FBLN2: variants seen among roughly 807,000 people sequenced by gnomAD.
FBLN2 encodes fibulin 2.
Under a neutral mutation model 123.7 loss-of-function variants are expected in FBLN2, and 81 were observed. The ratio of observed to expected loss-of-function variants is 0.65; its 90% CI spans 0.55 to 0.79. The LOEUF is 0.79. Among genes scored for constraint, FBLN2 ranks in the 30% least tolerant of loss-of-function variants. The pLI is 0.00. For missense variants in FBLN2, 1,603 were observed against 1,681.3 expected (o/e 0.95, Z 0.81); for synonymous variants, 699 against 701.4 (o/e 1.00, Z 0.05).
At chr3:13,608,227 C>T in intron 3 of FBLN2, 54 bp downstream of exon 3, 1 of 1,347,736 alleles carries the variant, frequency 7.4e-7, no homozygotes. Flanking sequence ...TCTCCAGAAC[C>T]CTGCTTGCCT....
chr3:13,622,858 C>A (rs778676711), intron 9 of FBLN2, among the ~76,000 whole-genome samples: 5 of 152,214 alleles, frequency 3.3e-5, no homozygotes, highest in African/African-American at 4.8e-5. Flanking sequence ...CACAGAGACA[C>A]GCGCAGAGGG....
chr3:13,637,785 G>T lies in FBLN2; in HGVS notation c.3562G>T (p.Val1188Leu), dbSNP rs1457272615. ...GCGCAGGCTCAATGCCTACACGGGT[G>T]TGGTCTACCTGCAGCGGGCCGTGCT... is the stretch of plus-strand genomic sequence containing the variant. ...GTRRLNAYTG[V>L]VYLQRAVLEP... Residue 1188 changes from valine (V) to leucine (L), a missense_variant, in exon 18 of 18, where the codon GTG becomes TTG. Coordinates refer to ENST00000404922, the MANE Select transcript of FBLN2 (RefSeq NM_001004019.2). The T allele has an allele frequency of 3.1e-6, 5 of 1,613,820 alleles. No individual in the cohort carries two copies. The highest frequency in any genetic ancestry group is 4.2e-6 in the Non-Finnish European group (5 of 1,179,840).
chr3:13,638,312 T>G lies in FBLN2; in HGVS notation c.*393T>G. ...TCTTTTCTTTTTTAAAAAATCATTT[T>G]AAAGTTTTTTGTTTAACTATAAAGT... On this transcript the variant is annotated 3_prime_UTR_variant, in exon 18 of 18. Coordinates refer to ENST00000404922, the MANE Select transcript of FBLN2 (RefSeq NM_001004019.2). 2.3e-6 allele frequency: 1 copy of G among 426,778 alleles called. No individual in the cohort carries two copies. Among genetic ancestry groups the G allele is most frequent in the Non-Finnish European group, 4.4e-6 (1 of 228,456 alleles). The allele number at this position is 426,778 out of a possible 1,614,324, so 26.4% of individuals were successfully genotyped here.
At position 13,608,110 on chromosome 3, in the gene FBLN2, G is replaced by T; in HGVS notation, c.1355G>T (p.Trp452Leu). The T allele has an allele frequency of 6.3e-7, 1 of 1,598,312 alleles. No individual in the cohort carries two copies. The stretch of plus-strand genomic sequence containing the variant: ...ACTTGCTGCGCAGCCGGACAGCAGT[G>T]GGCCATTGACAATGACGAGTGCCTG... ...IETCCAAGQQ[W>L]AIDNDECLEI... Residue 452 changes from tryptophan (W) to leucine (L), a missense_variant, in exon 3 of 18, where the codon TGG (tryptophan) becomes TTG (leucine). Coordinates refer to ENST00000404922, the MANE Select transcript of FBLN2 (RefSeq NM_001004019.2).
chr3:13,593,933 G>A (rs979102307), intron 2 of FBLN2, among the ~76,000 whole-genome samples: 1 of 152,082 alleles, frequency 6.6e-6, no homozygotes, highest in African/African-American at 2.4e-5. Flanking sequence ...AGTGTACCTC[G>A]TCTTCCTCTG....
intron 2 of FBLN2, among the ~76,000 whole-genome samples, chr3:13,591,663 C>A (rs1704679815): frequency 6.6e-6 from 1 of 152,118 alleles, no homozygotes; most frequent in Non-Finnish European, 1.5e-5. Context: ...TTACTGTAGC[C>A]TTGTAGTAAT....
chr3:13,574,520 GC>G (rs1704070089), intron 2 of FBLN2, among the ~76,000 whole-genome samples: 1 of 152,294 alleles, frequency 6.6e-6, no homozygotes, highest in Admixed American at 6.5e-5. Flanking sequence ...ATGCTCAGAG[GC>G]AGGGATGGCC....
intron 1 of FBLN2, among the ~76,000 whole-genome samples, chr3:13,564,701 A>G (rs1703693491): frequency 6.6e-6 from 1 of 152,104 alleles, no homozygotes; most frequent in Non-Finnish European, 1.5e-5. Flanking sequence ...TGTGCTCACT[A>G]AGGTGGGACC....
chr3:13,609,044 G>A (rs1191995975), intron 3 of FBLN2, among the ~76,000 whole-genome samples: 3 of 152,196 alleles, frequency 2.0e-5, no homozygotes, highest in Admixed American at 6.5e-5. Flanking sequence ...CCCACTTCAG[G>A]GGGTGCTGAG....
intron 15 of FBLN2, 80 bp downstream of exon 15, chr3:13,630,895 G>C: frequency 9.4e-7 from 1 of 1,069,322 alleles, no homozygotes; most frequent in Non-Finnish European, 1.4e-6. Context: ...AGTCCCTGCT[G>C]GGCCATGGAC....
rs1049073894 is a variant in FBLN2, at chr3:13,636,799, A to T, written c.3338+231A>T. On this transcript the variant is annotated intron_variant, in intron 17 of 17. Coordinates refer to ENST00000404922, the MANE Select transcript of FBLN2 (RefSeq NM_001004019.2). ...ACAGAAAACACCAGCCCTCTTCCTCATACACACACATGGTAGTTACTGCTG... is the reference window on the plus strand; with the variant it reads ...ACAGAAAACACCAGCCCTCTTCCTCTTACACACACATGGTAGTTACTGCTG... Among the ~76,000 whole-genome samples the T allele has an allele frequency of 4.0e-4, 61 of 152,246 alleles. 1 individual carries two copies. The highest frequency in any genetic ancestry group is 1.6e-4 in the Non-Finnish European group (11 of 68,046).
In FBLN2 at chr3:13,570,827, C is replaced by T. The variant is rs199776248; in HGVS notation, c.472C>T (p.Arg158Trp). 301 of 1,601,606 alleles carry T rather than the reference C, an allele frequency of 1.9e-4. No homozygotes were observed. The African/African-American group carries it at 3.0e-3, about 16-fold the overall frequency. ...AGHTVHLPPC[R>W]ACHCPDAGGE... Reference sequence around the variant, plus strand: ...CCACACTGTTCACCTGCCGCCCTGCCGGGCCTGCCACTGCCCTGACGCCGG... The same window carrying T: ...CCACACTGTTCACCTGCCGCCCTGCTGGGCCTGCCACTGCCCTGACGCCGG... Residue 158 changes from arginine to tryptophan, a missense_variant, in exon 2 of 18, where the codon CGG (arginine) becomes TGG (tryptophan). Coordinates refer to ENST00000404922, the MANE Select transcript of FBLN2 (RefSeq NM_001004019.2).
chr3:13,608,226 C>T, intron 3 of FBLN2, 53 bp downstream of exon 3: 1 of 1,351,462 alleles, frequency 7.4e-7, no homozygotes. Context: ...TTCTCCAGAA[C>T]CCTGCTTGCC....
At chr3:13,620,066 C>T (rs1235829128) in intron 8 of FBLN2, among the ~76,000 whole-genome samples, 1 of 152,114 alleles carries the variant, frequency 6.6e-6, no homozygotes, top group Non-Finnish European at 1.5e-5. Flanking sequence ...AGGAATGGGG[C>T]CCGGGCTCCT....
intron 9 of FBLN2, among the ~76,000 whole-genome samples, chr3:13,624,561 G>C (rs1249583022): frequency 6.6e-6 from 1 of 152,198 alleles, no homozygotes; most frequent in African/African-American, 2.4e-5. Flanking sequence ...TGGTTCACCT[G>C]TGAGTTTGGG....
rs202191214 is a variant in FBLN2, at chr3:13,571,009, G to A, written c.654G>A (p.Ala218=). Residue 218 remains alanine, a synonymous_variant, in exon 2 of 18, where the codon GCG becomes GCA. Transcript: ENST00000404922. ...CAGCCCTGGGGGGTGAGGTCCAGGC[G>A]GGTGCAGTCCAGGCAGGCGCAGGGG... ...AATALGGEVQ[A]GAVQAGAGGP... is the part of the protein sequence containing the mutation. 5.6e-5 allele frequency: 90 copies of A among 1,598,006 alleles called. 1 individual carries two copies. The highest frequency in any genetic ancestry group is 5.0e-4 in the African/African-American group (37 of 74,708).
Position 13,627,956 on chromosome 3 carries a change from A to C in FBLN2, c.2556A>C (p.Glu852Asp). 6.2e-7 allele frequency: 1 copy of C among 1,613,536 alleles called. No homozygotes were observed. The highest frequency in any genetic ancestry group is 8.5e-7 in the Non-Finnish European group (1 of 1,179,690). Residue 852 changes from glutamate to aspartate, a missense_variant, in exon 11 of 18, where the codon GAA (glutamate) becomes GAC (aspartate). Physicochemically the swap from Glu to Asp is conservative, Grantham distance 45 (BLOSUM62 2). Transcript: ENST00000404922. ...TGGATGGCTTCCTGCAGGATCCTGA[A>C]GGCAACTGTGTGGGTGAGCGGGGGC... ...RCMDGFLQDPEGNCVDINECT... is the reference protein window; with the variant it reads ...RCMDGFLQDPDGNCVDINECT...
At position 13,612,412 on chromosome 3, in the gene FBLN2, G is replaced by A. The variant is rs150728438; in HGVS notation, c.1549-1572G>A. ...TGTCTTTCTTTCTTGACGGAGTCTCGCTCTGTCACCCAGGCTGGAGTGCAG... is the reference window on the plus strand; with the variant it reads ...TGTCTTTCTTTCTTGACGGAGTCTCACTCTGTCACCCAGGCTGGAGTGCAG... On this transcript the variant is annotated intron_variant, in intron 4 of 17. Coordinates refer to ENST00000404922, the MANE Select transcript of FBLN2 (RefSeq NM_001004019.2). Among the ~76,000 whole-genome samples the A allele has an allele frequency of 5.5e-5, 8 of 146,088 alleles. No individual in the cohort carries two copies. The South Asian group carries it at 1.1e-3, about 20-fold the overall frequency.
intron 7 of FBLN2, 30 bp from the exon 8 acceptor site, chr3:13,619,699 TG>T: frequency 6.3e-7 from 1 of 1,590,886 alleles, no homozygotes; most frequent in Non-Finnish European, 8.6e-7. Context: ...CAGGGCCTGG[TG>T]GTCTCTGATT....
Sources: allele counts gnomAD v4.1 joint callset (sites outside exome capture counted in the v4.1 genomes callset), GRCh38; gene constraint gnomAD v4.1.1; transcripts MANE v1.5; gene names NCBI Gene and HGNC (gene_info 2026-07-23, HGNC 2026-07-21).